The following SH2D4B variants were observed in gnomAD, a reference collection of about 807,000 sequenced individuals.
SH2D4B encodes the protein SH2 domain containing 4B, also known as SH2 domain-containing protein 4B.
A neutral mutation model predicts 61.5 loss-of-function variants in SH2D4B; 45 were observed. The observed-to-expected ratio is 0.73, with a 90% confidence interval of 0.58 to 0.94. The LOEUF is 0.94. Among genes scored for constraint, SH2D4B ranks in the 40% least tolerant of loss-of-function variants. SH2D4B has a pLI of 0.00. For synonymous variants in SH2D4B, 224 were observed against 220.4 expected (o/e 1.02, Z -0.14); for missense variants, 572 against 574.2 (o/e 1.00, Z 0.04).
At chr10:80,588,358 C>T (rs1237671181) in intron 3 of SH2D4B, among the ~76,000 whole-genome samples, 1 of 152,020 alleles carries the variant, frequency 6.6e-6, no homozygotes, top group Non-Finnish European at 1.5e-5. Context: ...TTTTGAGAGG[C>T]CTGAGGGATC....
intron 3 of SH2D4B, among the ~76,000 whole-genome samples, chr10:80,580,891 T>C (rs1671519732): frequency 6.6e-6 from 1 of 152,162 alleles, no homozygotes; most frequent in South Asian, 2.1e-4. Flanking sequence ...GGGGAGTCTT[T>C]GCGTGTCTGG....
intron 6 of SH2D4B, among the ~76,000 whole-genome samples, chr10:80,628,304 T>C (rs1842787101): frequency 6.6e-6 from 1 of 152,128 alleles, no homozygotes; most frequent in Admixed American, 6.5e-5. Flanking sequence ...CCTGTGCTAT[T>C]CTCGTGATAG....
intron 3 of SH2D4B, among the ~76,000 whole-genome samples, chr10:80,577,450 G>A (rs1297283950): frequency 2.2e-4 from 32 of 147,328 alleles, no homozygotes; most frequent in Non-Finnish European, 4.0e-4. Flanking sequence ...TTTTTGAGAC[G>A]GAGTCTCGCT....
At chr10:80,570,633 A>C (rs958955652) in intron 2 of SH2D4B, among the ~76,000 whole-genome samples, 2 of 152,244 alleles carry the variant, frequency 1.3e-5, no homozygotes, top group Admixed American at 6.5e-5. Context: ...GTGAATGTTT[A>C]GTTAATACAT....
intron 4 of SH2D4B, among the ~76,000 whole-genome samples, chr10:80,597,647 C>G (rs759179226): frequency 6.6e-6 from 1 of 152,048 alleles, no homozygotes; most frequent in East Asian, 1.9e-4. Flanking sequence ...GCCTGGGCAA[C>G]AGAGCGAGAC....
At chr10:80,577,264 C>G (rs1479094685) in intron 3 of SH2D4B, among the ~76,000 whole-genome samples, 2 of 152,150 alleles carry the variant, frequency 1.3e-5, no homozygotes, top group Non-Finnish European at 2.9e-5. Context: ...ATGAGCAAAG[C>G]CTTGGTTCTG....
chr10:80,588,684 G>C lies in SH2D4B; in HGVS notation c.550G>C (p.Glu184Gln). The C allele has an allele frequency of 1.2e-6, 2 of 1,614,100 alleles. No homozygotes were observed. The highest frequency in any genetic ancestry group is 8.5e-7 in the Non-Finnish European group (1 of 1,180,042). ...RGEEQIRLQE[E>Q]QRAKELYWTL... The stretch of plus-strand genomic sequence containing the variant: ...AGAAGAGCAGATTCGCCTCCAGGAA[G>C]AGCAGAGGGCGAAGGAGCTCTACTG... Residue 184 changes from glutamate (E) to glutamine (Q), a missense_variant, in exon 4 of 8, where the codon GAG becomes CAG. Physicochemically the swap from Glu to Gln is conservative, Grantham distance 29. Coordinates refer to ENST00000646907, the MANE Select transcript of SH2D4B (RefSeq NM_001388272.1).
intron 3 of SH2D4B, among the ~76,000 whole-genome samples, chr10:80,581,123 G>A (rs888643578): frequency 6.6e-6 from 1 of 152,212 alleles, no homozygotes; most frequent in Non-Finnish European, 1.5e-5. Context: ...TAAATGGCCA[G>A]TCATTTTCCT....
At chr10:80,634,135 C>G in intron 6 of SH2D4B, 150 bp from the exon 7 acceptor site, 1 of 1,113,842 alleles carries the variant, frequency 9.0e-7, no homozygotes, top group Non-Finnish European at 1.2e-6. Flanking sequence ...CTTGGCCAGC[C>G]CTTGGGGCTC....
intron 3 of SH2D4B, among the ~76,000 whole-genome samples, chr10:80,578,470 G>A (rs1564773412): frequency 6.6e-6 from 1 of 152,024 alleles, no homozygotes; most frequent in South Asian, 2.1e-4. Context: ...ACCACACCCC[G>A]GGGAGTATAA....
chr10:80,555,505 T>A (rs919876257), intron 1 of SH2D4B, among the ~76,000 whole-genome samples: 1 of 152,200 alleles, frequency 6.6e-6, no homozygotes, highest in Non-Finnish European at 1.5e-5. Context: ...CATTATTGTC[T>A]TTAAACTGAG....
chr10:80,558,274 G>A (rs182549004), intron 1 of SH2D4B, among the ~76,000 whole-genome samples: 38 of 151,818 alleles, frequency 2.5e-4, no homozygotes, highest in Admixed American at 2.2e-3. Context: ...ATCTATCTGG[G>A]TGAATGTTCT....
chr10:80,570,375 A>T, intron 2 of SH2D4B, 59 bp downstream of exon 2: 1 of 1,570,494 alleles, frequency 6.4e-7, no homozygotes, highest in Non-Finnish European at 8.6e-7. Context: ...GCTTAGCCCC[A>T]CGCACGGCTA....
At chr10:80,600,329 G>A (rs563951975) in intron 4 of SH2D4B, among the ~76,000 whole-genome samples, 1 of 152,342 alleles carries the variant, frequency 6.6e-6, no homozygotes, top group Admixed American at 6.5e-5. Flanking sequence ...TTTGAAGCAT[G>A]GAGTTTCTCT....
At chr10:80,624,746 G>A (rs1405713625) in intron 6 of SH2D4B, among the ~76,000 whole-genome samples, 1 of 152,154 alleles carries the variant, frequency 6.6e-6, no homozygotes, top group East Asian at 1.9e-4. Flanking sequence ...CATGGAAATC[G>A]AAAACTGATT....
At chr10:80,607,868 T>C (rs988943258) in intron 5 of SH2D4B, among the ~76,000 whole-genome samples, 1 of 152,330 alleles carries the variant, frequency 6.6e-6, no homozygotes, top group East Asian at 1.9e-4. Context: ...TTGTTCAAGG[T>C]GGGCTGTTGC....
chr10:80,607,690 G>T (rs530995406), intron 5 of SH2D4B, among the ~76,000 whole-genome samples: 1 of 152,288 alleles, frequency 6.6e-6, no homozygotes, highest in African/African-American at 2.4e-5. Context: ...CAAAGTGAGG[G>T]TACAGGGCAA....
intron 3 of SH2D4B, among the ~76,000 whole-genome samples, chr10:80,574,440 A>G (rs1842100187): frequency 6.6e-6 from 1 of 151,874 alleles, no homozygotes; most frequent in South Asian, 2.1e-4. Context: ...CTACCCATGC[A>G]TTTCTTTTTT....
At chr10:80,643,822 A>T (rs1032762567) in intron 7 of SH2D4B, among the ~76,000 whole-genome samples, 171 bp from the exon 8 acceptor site, 3 of 151,262 alleles carry the variant, frequency 2.0e-5, no homozygotes, top group African/African-American at 7.3e-5. Flanking sequence ...CTTTTTATGA[A>T]TTTATTTCTT....
Sources: allele counts gnomAD v4.1 joint callset (sites outside exome capture counted in the v4.1 genomes callset), GRCh38; gene constraint gnomAD v4.1.1; transcripts MANE v1.5; gene names NCBI Gene and HGNC (gene_info 2026-07-23, HGNC 2026-07-21).